RGS20: variants seen among roughly 807,000 people sequenced by gnomAD.
RGS20 encodes regulator of G protein signaling 20.
In RGS20, 30 loss-of-function variants were observed where a neutral mutation model predicts 33.6. The observed-to-expected ratio is 0.89, with a 90% confidence interval of 0.67 to 1.21. RGS20 has a LOEUF of 1.21. Among genes scored for constraint, RGS20 ranks in the 50% most tolerant of loss-of-function variants. RGS20 has a pLI of 0.00. For missense variants in RGS20, 472 were observed against 502.4 expected, an observed-to-expected ratio of 0.94 and a Z score of 0.58; for synonymous variants, 208 against 197.9, an observed-to-expected ratio of 1.05 and a Z score of -0.43.
At chr8:53,932,385 C>A (rs1813998269) in intron 2 of RGS20, among the ~76,000 whole-genome samples, 1 of 152,192 alleles carries the variant, frequency 6.6e-6, no homozygotes, top group Admixed American at 6.5e-5. Context: ...GGCTTGAAAT[C>A]CTTGCTGCCA....
chr8:53,949,270 TAA>T (rs1306671376), intron 4 of RGS20, among the ~76,000 whole-genome samples: 3 of 147,762 alleles, frequency 2.0e-5, no homozygotes, highest in Non-Finnish European at 4.5e-5. Context: ...ATACTATATA[TAA>T]GATACAGTAT....
intron 2 of RGS20, among the ~76,000 whole-genome samples, chr8:53,907,587 GAA>G (rs35788143): frequency 6.9e-6 from 1 of 144,516 alleles, no homozygotes; most frequent in Non-Finnish European, 1.5e-5. Flanking sequence ...TCCATCTCAG[GAA>G]AAAAAAAAAG....
intron 1 of RGS20, among the ~76,000 whole-genome samples, chr8:53,863,335 G>T (rs1404506951): frequency 6.6e-6 from 1 of 152,104 alleles, no homozygotes; most frequent in African/African-American, 2.4e-5. Context: ...AGAGCTCATT[G>T]CTCCCTTCTT....
Position 53,918,398 on chromosome 8 carries a change from C to CTTTTTTTTTG in RGS20, c.511-21171_511-21170insTTGTTTTTTT, listed in dbSNP as rs370307599. Among the ~76,000 whole-genome samples, 343 of 149,554 alleles carry CTTTTTTTTTG rather than the reference C, an allele frequency of 2.3e-3. 4 individuals are homozygous for CTTTTTTTTTG. Among genetic ancestry groups the CTTTTTTTTTG allele is most frequent in the Middle Eastern group, 6.8e-3 (2 of 294 alleles). On this transcript the variant is annotated intron_variant, in intron 2 of 5. Transcript: ENST00000297313. ...ATATTTTCTTTTTTTTTCTTTCTTC[C>CTTTTTTTTTG]TTTTTTTGAGACGGAGCTTTGCTCT...
At chr8:53,951,351 T>C (rs1814703893) in intron 4 of RGS20, among the ~76,000 whole-genome samples, 1 of 151,992 alleles carries the variant, frequency 6.6e-6, no homozygotes, top group Non-Finnish European at 1.5e-5. Context: ...TAGCTGGCTG[T>C]GATGGTGCGT....
intron 3 of RGS20, chr8:53,946,423 G>A: frequency 4.2e-6 from 2 of 474,144 alleles, no homozygotes; most frequent in East Asian, 4.0e-5. Flanking sequence ...AAGTATAATT[G>A]AACACAATAA....
At chr8:53,871,672 A>C (rs1420014867) in intron 1 of RGS20, among the ~76,000 whole-genome samples, 1 of 152,116 alleles carries the variant, frequency 6.6e-6, no homozygotes, top group Non-Finnish European at 1.5e-5. Flanking sequence ...TCTCCTTTCC[A>C]GTGATGCCTG....
intron 4 of RGS20, among the ~76,000 whole-genome samples, chr8:53,951,213 A>G (rs1442647660): frequency 6.6e-6 from 1 of 152,194 alleles, no homozygotes; most frequent in South Asian, 2.1e-4. Context: ...GGCCAGGCAC[A>G]GTGGCTCCTG....
Position 53,958,308 on chromosome 8 carries a change from A to T in RGS20, c.1017A>T (p.Arg339Ser), listed in dbSNP as rs1415538911. 6.2e-7 allele frequency: 1 copy of T among 1,613,378 alleles called. No homozygotes were observed. Among genetic ancestry groups the T allele is most frequent in the Admixed American group, 1.7e-5 (1 of 59,920 alleles). Residue 339 changes from arginine (R) to serine (S), a missense_variant, in exon 6 of 6, where the codon AGA becomes AGT. Around this residue, in one of 3 missense-constraint regions of RGS20, gnomAD observed 125 missense variants for 169.5 expected, o/e 0.74. Transcript: ENST00000297313. ...CCCGGGTGAGAGAAGTGATCAACAG[A>T]AACATGGTGGAGCCATCCCAACACA...
chr8:53,863,052 G>A (rs1377761419), intron 1 of RGS20, among the ~76,000 whole-genome samples: 1 of 152,068 alleles, frequency 6.6e-6, no homozygotes, highest in African/African-American at 2.4e-5. Context: ...ACAATGGCAC[G>A]ATCTCGGCTC....
At chr8:53,956,246 A>G (rs7815216) in intron 5 of RGS20, among the ~76,000 whole-genome samples, 55,248 of 151,986 alleles carry the variant, frequency 0.36, 14,364 homozygotes, top group East Asian at 0.74. Flanking sequence ...TGTGCCAGAA[A>G]GGGAGGGTGC....
intron 4 of RGS20, among the ~76,000 whole-genome samples, chr8:53,949,590 C>G (rs1356897959): frequency 1.3e-5 from 2 of 151,170 alleles, no homozygotes; most frequent in Admixed American, 1.3e-4. Flanking sequence ...GTGGCAAACG[C>G]CTGTAATCCC....
rs181905516 is a variant in RGS20 at position 53,935,075 on chromosome 8, A to T, written c.511-4501A>T. Among the ~76,000 whole-genome samples, 22 of 152,354 alleles carry T rather than the reference A, an allele frequency of 1.4e-4. 1 individual carries two copies. In the East Asian group the frequency reaches 4.0e-3, roughly 28 times the overall value. On this transcript the variant is annotated intron_variant, in intron 2 of 5. Transcript: ENST00000297313. The stretch of plus-strand genomic sequence containing the variant: ...TTTTGAAACCAATGAGAACAAAGAC[A>T]CAACCTACCAGTATCTCTGGGACAC...
intron 1 of RGS20, among the ~76,000 whole-genome samples, chr8:53,859,242 G>A (rs180812415): frequency 1.0e-3 from 159 of 152,342 alleles, no homozygotes; most frequent in African/African-American, 3.7e-3. Context: ...CACAATGGAA[G>A]CTGTTGTGTA....
chr8:53,918,459 G>C (rs1240492052), intron 2 of RGS20, among the ~76,000 whole-genome samples: 1 of 150,938 alleles, frequency 6.6e-6, no homozygotes, highest in East Asian at 1.9e-4. Flanking sequence ...TGCAATCTCA[G>C]CTTGCTGCAA....
intron 2 of RGS20, among the ~76,000 whole-genome samples, chr8:53,922,980 G>A (rs185129233): frequency 6.0e-4 from 91 of 151,518 alleles, no homozygotes; most frequent in African/African-American, 1.9e-3. Context: ...TTTCTTCATG[G>A]CCTCTATAAT....
intron 2 of RGS20, among the ~76,000 whole-genome samples, chr8:53,938,920 G>A (rs926369409): frequency 6.6e-6 from 1 of 152,182 alleles, no homozygotes; most frequent in African/African-American, 2.4e-5. Flanking sequence ...AGACAGGTCC[G>A]GGCAGGCCAC....
At chr8:53,869,726 C>T (rs1223603096) in intron 1 of RGS20, among the ~76,000 whole-genome samples, 1 of 152,102 alleles carries the variant, frequency 6.6e-6, no homozygotes, top group African/African-American at 2.4e-5. Context: ...TAAAATAGCA[C>T]AGCTTTACAG....
At position 53,869,742 on chromosome 8, in the gene RGS20, A is replaced by G. The variant is rs1783187343; in HGVS notation, c.166-9516A>G. On this transcript the variant is annotated intron_variant, in intron 1 of 5. Coordinates refer to ENST00000297313, the MANE Select transcript of RGS20 (RefSeq NM_170587.4). ...AAAATAGCACAGCTTTACAGTTGTC[A>G]GGACCGGTAGGCTACACACACCAAG... Among the ~76,000 whole-genome samples, 5 of 152,196 alleles carry G rather than the reference A, an allele frequency of 3.3e-5. No individual in the cohort carries two copies. The South Asian group carries it at 1.0e-3, about 32-fold the overall frequency.
Sources: gnomAD v4.1 joint callset for allele counts (sites outside exome capture counted in the v4.1 genomes callset) on GRCh38, gnomAD v4.1.1 for gene constraint, gnomAD v4.1.1 regional missense constraint, MANE v1.5 for transcripts, NCBI Gene and HGNC (gene_info 2026-07-23, HGNC 2026-07-21) for gene names.